PTPN4: variants seen among roughly 807,000 people sequenced by gnomAD.
PTPN4 encodes the protein tyrosine-protein phosphatase non-receptor type 4.
In PTPN4, 49 loss-of-function variants were observed where a neutral mutation model predicts 135.5. The ratio of observed to expected loss-of-function variants is 0.36; its 90% confidence interval spans 0.29 to 0.46. The LOEUF is 0.46. Ranked by LOEUF, PTPN4 falls within the 20% of genes least tolerant of loss-of-function variation. PTPN4 has a pLI of 1.00. For synonymous variants in PTPN4, 333 were observed against 369.9 expected (o/e 0.90, Z 1.14); for missense variants, 860 against 1,101.0 (o/e 0.78, Z 3.10).
intron 1 of PTPN4, among the ~76,000 whole-genome samples, chr2:119,770,057 G>A (rs1369056363): frequency 6.6e-6 from 1 of 152,172 alleles, no homozygotes; most frequent in Non-Finnish European, 1.5e-5. Context: ...TCCAAAATTG[G>A]AGGTGACTTT....
At chr2:119,827,366 TATAAA>T (rs1197304031) in intron 2 of PTPN4, among the ~76,000 whole-genome samples, 1 of 152,200 alleles carries the variant, frequency 6.6e-6, no homozygotes, top group African/African-American at 2.4e-5. Context: ...GCATTTAAAA[TATAAA>T]GTAAAATTTG....
chr2:119,950,713 C>G (rs932653603), intron 18 of PTPN4, among the ~76,000 whole-genome samples: 1 of 152,160 alleles, frequency 6.6e-6, no homozygotes, highest in Non-Finnish European at 1.5e-5. Context: ...CCTCAAAATT[C>G]ACTCTCATAT....
chr2:119,810,024 C>G (rs758022106), intron 2 of PTPN4, 33 bp downstream of exon 2: 2 of 1,578,162 alleles, frequency 1.3e-6, no homozygotes, highest in Non-Finnish European at 1.7e-6. Context: ...AAAATAATCT[C>G]TGGCTATAAG....
At chr2:119,792,057 C>T (rs1240153060) in intron 1 of PTPN4, among the ~76,000 whole-genome samples, 1 of 152,084 alleles carries the variant, frequency 6.6e-6, no homozygotes, top group Non-Finnish European at 1.5e-5. Flanking sequence ...TTCAAGTTGA[C>T]TGATTCTTCT....
chr2:119,810,067 A>C, intron 2 of PTPN4, 76 bp downstream of exon 2: 1 of 1,443,920 alleles, frequency 6.9e-7, no homozygotes, highest in Non-Finnish European at 9.3e-7. Context: ...AACTAGGATT[A>C]TTAAATTATA....
intron 1 of PTPN4, among the ~76,000 whole-genome samples, chr2:119,800,514 A>T (rs1350689335): frequency 2.4e-5 from 3 of 123,858 alleles, no homozygotes; most frequent in Non-Finnish European, 5.2e-5. Flanking sequence ...TGTCAGATAA[A>T]TGTTTTGCAG....
intron 1 of PTPN4, chr2:119,771,371 A>G (rs1267887941): frequency 6.6e-6 from 1 of 152,174 alleles, no homozygotes. Context: ...AAATAAATAA[A>G]TAAAAGTAGG....
chr2:119,760,962 A>C (rs1458181564), intron 1 of PTPN4, among the ~76,000 whole-genome samples: 1 of 151,658 alleles, frequency 6.6e-6, no homozygotes, highest in Non-Finnish European at 1.5e-5. Flanking sequence ...ACAGTTGCAC[A>C]GGTGATGTGT....
At chr2:119,806,613 C>T (rs971957246) in intron 1 of PTPN4, among the ~76,000 whole-genome samples, 2 of 152,124 alleles carry the variant, frequency 1.3e-5, no homozygotes, top group Non-Finnish European at 2.9e-5. Context: ...CTTAGACTCC[C>T]ACACAATAAT....
chr2:119,829,684 G>A (rs934749700), intron 2 of PTPN4, among the ~76,000 whole-genome samples: 1 of 152,110 alleles, frequency 6.6e-6, no homozygotes, highest in South Asian at 2.1e-4. Context: ...ATGTTTTATT[G>A]TATGGGTATA....
intron 9 of PTPN4, among the ~76,000 whole-genome samples, chr2:119,889,949 T>G (rs892175004): frequency 6.6e-6 from 1 of 152,244 alleles, no homozygotes; most frequent in African/African-American, 2.4e-5. Context: ...TGGCCTATCT[T>G]GGAAGATGTT....
At chr2:119,900,373 T>C (rs895212861) in intron 9 of PTPN4, among the ~76,000 whole-genome samples, 1 of 152,168 alleles carries the variant, frequency 6.6e-6, no homozygotes, top group African/African-American at 2.4e-5. Flanking sequence ...TGGATTGTAA[T>C]ACTTTTAGGA....
At chr2:119,912,941 A>G (rs75358635) in intron 10 of PTPN4, among the ~76,000 whole-genome samples, 2,074 of 152,270 alleles carry the variant, frequency 0.014, 15 homozygotes, top group Non-Finnish European at 0.02. Flanking sequence ...ATCTCTATAG[A>G]TATGCCTATT....
At chr2:119,890,447 T>C (rs1435797761) in intron 9 of PTPN4, among the ~76,000 whole-genome samples, 1 of 152,212 alleles carries the variant, frequency 6.6e-6, no homozygotes, top group Admixed American at 6.5e-5. Flanking sequence ...TATAGTTGAA[T>C]TATGTATTTT....
chr2:119,913,838 A>G (rs191492039), intron 10 of PTPN4, among the ~76,000 whole-genome samples: 1 of 152,328 alleles, frequency 6.6e-6, no homozygotes, highest in Admixed American at 6.5e-5. Context: ...ATTGAAAAAG[A>G]TAAACCAGGC....
At chr2:119,947,789 C>CAT (rs1553474193) in intron 18 of PTPN4, among the ~76,000 whole-genome samples, 13 of 151,724 alleles carry the variant, frequency 8.6e-5, no homozygotes, top group Non-Finnish European at 1.8e-4. Context: ...CACACACACA[C>CAT]ACATCAGATT....
At chr2:119,827,893 C>A (rs1457220872) in intron 2 of PTPN4, among the ~76,000 whole-genome samples, 1 of 152,046 alleles carries the variant, frequency 6.6e-6, no homozygotes, top group Non-Finnish European at 1.5e-5. Context: ...TTTATGGTAG[C>A]TAGTGTCAAT....
At chr2:119,962,782 G>A (rs1423843625) in intron 24 of PTPN4, 38 bp downstream of exon 24, 1 of 1,448,910 alleles carries the variant, frequency 6.9e-7, no homozygotes. Context: ...GAACTGTTGT[G>A]TTCAGGGTAA....
At position 119,821,055 on chromosome 2, in the gene PTPN4, ACT is replaced by A. The variant is rs368493059; in HGVS notation, c.138+11067_138+11068del. Reference sequence around the variant, plus strand: ...ATATTATTCCTAGTGACATTTTATGACTCTGTTTTTCCATTTACCTTTTGAAT... The same window carrying A: ...ATATTATTCCTAGTGACATTTTATGACTGTTTTTCCATTTACCTTTTGAAT... On this transcript the variant is annotated intron_variant, in intron 2 of 26. Coordinates refer to ENST00000263708, the MANE Select transcript of PTPN4 (RefSeq NM_002830.4). Among the ~76,000 whole-genome samples the A allele has an allele frequency of 3.3e-3, 475 of 145,088 alleles. 2 individuals are homozygous for A. The highest frequency in any genetic ancestry group is 0.011 in the African/African-American group (448 of 39,224).
Sources: gnomAD v4.1 joint callset for allele counts (sites outside exome capture counted in the v4.1 genomes callset) on GRCh38, gnomAD v4.1.1 for gene constraint, MANE v1.5 for transcripts, NCBI Gene and HGNC (gene_info 2026-07-23, HGNC 2026-07-21) for gene names.